Variants in RIT2 observed in about 807,000 individuals in gnomAD.
The protein encoded by RIT2 is Ras like without CAAX 2, also known as GTP-binding protein Rit2.
Under a neutral mutation model 23.7 loss-of-function variants are expected in RIT2, and 24 were observed. That is an observed-to-expected ratio of 1.01 (90% confidence interval 0.73 to 1.43). The LOEUF is 1.43. RIT2 is among the 40% of genes most tolerant of loss of function. RIT2 has a pLI of 0.00. For synonymous variants in RIT2, 107 were observed against 91.1 expected, an observed-to-expected ratio of 1.17 and a Z score of -0.99; for missense variants, 236 against 266.9, an observed-to-expected ratio of 0.88 and a Z score of 0.81.
intron 2 of RIT2, among the ~76,000 whole-genome samples, chr18:43,019,774 T>C (rs1489537229): frequency 1.3e-5 from 2 of 152,096 alleles, no homozygotes; most frequent in Non-Finnish European, 1.5e-5. Context: ...CATGATCTTA[T>C]ATTTAGAAAA....
rs190804358 is a variant in RIT2, at chr18:43,083,748, G to T, written c.103+31669C>A. Reference sequence around the variant, plus strand: ...AAAAATTAACTCAAAGTGGACTAAAGAATTAAATATAAAACCTAAAACCAT... The same window carrying T: ...AAAAATTAACTCAAAGTGGACTAAATAATTAAATATAAAACCTAAAACCAT... On this transcript the variant is annotated intron_variant, in intron 1 of 4. Coordinates refer to ENST00000326695, the MANE Select transcript of RIT2 (RefSeq NM_002930.4). 2.5e-4 allele frequency among the ~76,000 whole-genome samples: 38 copies of T among 152,122 alleles called. No homozygotes were observed. The East Asian group carries it at 6.0e-3, about 24-fold the overall frequency.
intron 4 of RIT2, among the ~76,000 whole-genome samples, chr18:42,868,408 C>T (rs569237986): frequency 2.0e-3 from 310 of 152,236 alleles, no homozygotes; most frequent in African/African-American, 6.9e-3. Context: ...GCTGTGAAAA[C>T]CCAAGTTTAA....
intron 4 of RIT2, among the ~76,000 whole-genome samples, chr18:42,914,838 A>C (rs1908863706): frequency 6.6e-6 from 1 of 151,966 alleles, no homozygotes; most frequent in Admixed American, 6.6e-5. Context: ...TTTTCATAGT[A>C]TTCTAGAGTT....
At chr18:42,780,873 C>CG (rs1318280636) in intron 4 of RIT2, among the ~76,000 whole-genome samples, 2 of 147,920 alleles carry the variant, frequency 1.4e-5, no homozygotes, top group East Asian at 2.0e-4. Flanking sequence ...CAGTCTGTTG[C>CG]GGGGGGCTTA....
chr18:43,065,375 C>T (rs1317425379), intron 1 of RIT2, among the ~76,000 whole-genome samples: 1 of 151,956 alleles, frequency 6.6e-6, no homozygotes, highest in African/African-American at 2.4e-5. Flanking sequence ...GGACTACAGG[C>T]CTGAACCACC....
chr18:42,743,460 T>C lies in RIT2; in HGVS notation c.*33A>G, dbSNP rs753459794. The C allele has an allele frequency of 1.4e-6, 2 of 1,459,734 alleles. No individual in the cohort carries two copies. Among genetic ancestry groups the C allele is most frequent in the South Asian group, 2.3e-5 (2 of 87,490 alleles). 90.4% of individuals were successfully genotyped at this position (1,459,734 alleles called of 1,614,324 possible). A position where few individuals can be genotyped will look rare whatever the true frequency, so the allele number is the denominator to read the frequency against. On this transcript the variant is annotated 3_prime_UTR_variant, in exon 5 of 5. Transcript: ENST00000326695. ...TATGGAATTGTCCAACTAATAAAAT[T>C]CAGAGAGCGTGAGGAACTCAAAAGC...
chr18:42,996,603 T>C (rs1388845896), intron 2 of RIT2, among the ~76,000 whole-genome samples: 1 of 152,070 alleles, frequency 6.6e-6, no homozygotes, highest in Non-Finnish European at 1.5e-5. Context: ...ACTGAGCACC[T>C]TGTGACCCCC....
At chr18:43,011,389 A>G (rs879796739) in intron 2 of RIT2, among the ~76,000 whole-genome samples, 1 of 151,986 alleles carries the variant, frequency 6.6e-6, no homozygotes, top group Non-Finnish European at 1.5e-5. Flanking sequence ...TCTGGCAGCT[A>G]TATGGAAGAC....
chr18:42,874,327 T>C (rs1270525013), intron 4 of RIT2, among the ~76,000 whole-genome samples: 1 of 152,130 alleles, frequency 6.6e-6, no homozygotes, highest in East Asian at 1.9e-4. Context: ...TGTAATTTAA[T>C]TGAGGTCTAT....
chr18:43,090,355 A>G (rs1176927295), intron 1 of RIT2, among the ~76,000 whole-genome samples: 2 of 152,180 alleles, frequency 1.3e-5, no homozygotes, highest in African/African-American at 4.8e-5. Flanking sequence ...GGCTATTACT[A>G]GAAAGTCAAA....
intron 1 of RIT2, among the ~76,000 whole-genome samples, chr18:43,069,210 G>A (rs1912843663): frequency 6.6e-6 from 1 of 151,758 alleles, no homozygotes; most frequent in Admixed American, 6.6e-5. Flanking sequence ...TGTTGCTGTT[G>A]TTTTGTTATC....
intron 4 of RIT2, among the ~76,000 whole-genome samples, chr18:42,834,533 T>C (rs973903666): frequency 6.6e-6 from 1 of 152,080 alleles, no homozygotes; most frequent in African/African-American, 2.4e-5. Flanking sequence ...TATCATACTC[T>C]CTGTCTCTCT....
chr18:43,072,697 G>A (rs532362908), intron 1 of RIT2, among the ~76,000 whole-genome samples: 3 of 152,024 alleles, frequency 2.0e-5, no homozygotes, highest in Non-Finnish European at 4.4e-5. Context: ...CCTTCTTGCC[G>A]TCTGTACTCT....
At chr18:42,918,003 T>TATGC (rs1188848825) in intron 4 of RIT2, among the ~76,000 whole-genome samples, 7 of 152,204 alleles carry the variant, frequency 4.6e-5, no homozygotes, top group Non-Finnish European at 8.8e-5. Context: ...TGTGTGTATG[T>TATGC]ATGCATGCAT....
Position 42,940,174 on chromosome 18 carries a change from G to T in RIT2, c.235-16411C>A, listed in dbSNP as rs563274484. ...ATCCCCAAGGTTCAGTTTAAATGCT[G>T]CAGGTCACATCTCCTACTTCTCTTC... On this transcript the variant is annotated intron_variant, in intron 3 of 4. Transcript: ENST00000326695. Among the ~76,000 whole-genome samples the T allele has an allele frequency of 6.3e-5, 9 of 143,724 alleles. No homozygotes were observed. In the South Asian group the frequency reaches 2.0e-3, roughly 32 times the overall value. The allele number at this position is 143,724 out of a possible 152,430, so 94.3% of individuals were successfully genotyped here.
chr18:42,835,142 A>G (rs1906560501), intron 4 of RIT2, among the ~76,000 whole-genome samples: 1 of 152,166 alleles, frequency 6.6e-6, no homozygotes. Context: ...GTTTCAGACA[A>G]GTCAAAACAT....
intron 4 of RIT2, among the ~76,000 whole-genome samples, chr18:42,770,648 G>A (rs1211122971): frequency 6.6e-6 from 1 of 152,184 alleles, no homozygotes; most frequent in Non-Finnish European, 1.5e-5. Context: ...GTAAGGGATA[G>A]AGATATTGTT....
intron 1 of RIT2, among the ~76,000 whole-genome samples, 157 bp from the exon 2 acceptor site, chr18:43,034,024 C>T (rs1302789444): frequency 4.6e-5 from 7 of 151,980 alleles, no homozygotes; most frequent in African/African-American, 9.7e-5. Flanking sequence ...AACAATAAGA[C>T]GAAGTTCTAG....
At chr18:43,027,042 A>G (rs1911749206) in intron 2 of RIT2, among the ~76,000 whole-genome samples, 1 of 152,146 alleles carries the variant, frequency 6.6e-6, no homozygotes, top group Non-Finnish European at 1.5e-5. Flanking sequence ...CCAAGTGAAA[A>G]AAGTGGATGA....
Sources: allele counts gnomAD v4.1 joint callset (sites outside exome capture counted in the v4.1 genomes callset), GRCh38; gene constraint gnomAD v4.1.1; transcripts MANE v1.5; gene names NCBI Gene and HGNC (gene_info 2026-07-23, HGNC 2026-07-21).